Variants in LIPA observed in about 807,000 individuals in gnomAD.
The protein encoded by LIPA is lysosomal acid lipase/cholesteryl ester hydrolase.
Under a neutral mutation model 40.6 loss-of-function variants are expected in LIPA, and 26 were observed. That is an observed-to-expected ratio of 0.64 (90% CI 0.47 to 0.89). The LOEUF (loss-of-function observed/expected upper bound fraction) is 0.89, where lower values mean the gene tolerates loss of function less well. Among genes scored for constraint, LIPA ranks in the 40% least tolerant of loss-of-function variants. The pLI, the probability that LIPA is intolerant of heterozygous loss-of-function variation, is 0.00. For synonymous variants in LIPA, 188 were observed against 168.4 expected (o/e 1.12, Z -0.90); for missense variants, 455 against 479.6 (o/e 0.95, Z 0.48).
intron 9 of LIPA, among the ~76,000 whole-genome samples, chr10:89,215,351 T>C (rs1842611585): frequency 6.6e-6 from 1 of 152,182 alleles, no homozygotes; most frequent in South Asian, 2.1e-4. Context: ...TTGTACTCCA[T>C]AGGTAGTACA....
chr10:89,284,625 G>A (rs1843332228), intron 1 of LIPA: 1 of 152,046 alleles, frequency 6.6e-6, no homozygotes, highest in Admixed American at 6.6e-5. Flanking sequence ...ATGCCAGCAA[G>A]TATAAGCGAA....
At chr10:89,368,830 A>G (rs1589623889) in intron 2 of LIPA, among the ~76,000 whole-genome samples, 1 of 152,132 alleles carries the variant, frequency 6.6e-6, no homozygotes, top group African/African-American at 2.4e-5. Context: ...CAAAGTAGAC[A>G]GAGAAAGACA....
chr10:89,345,556 AAAT>A (rs1843913668), upstream of LIPA, among the ~76,000 whole-genome samples: 1 of 151,668 alleles, frequency 6.6e-6, no homozygotes, highest in Non-Finnish European at 1.5e-5. Context: ...ATAAATAAAT[AAAT>A]AAATAAATAA....
intron 1 of LIPA, among the ~76,000 whole-genome samples, chr10:89,266,155 G>A (rs1024111335): frequency 6.6e-6 from 1 of 152,234 alleles, no homozygotes; most frequent in Non-Finnish European, 1.5e-5. Context: ...GAGACTGAAA[G>A]CCTGCTGTTG....
At chr10:89,240,280 A>G (rs1842950548) in intron 3 of LIPA, among the ~76,000 whole-genome samples, 3 of 152,198 alleles carry the variant, frequency 2.0e-5, no homozygotes, top group Admixed American at 1.3e-4. Context: ...GACCACCATC[A>G]AATCCATGTT....
chr10:89,306,770 AAG>A, intron 1 of LIPA: 1 of 1,614,154 alleles, frequency 6.2e-7, no homozygotes, highest in Non-Finnish European at 8.5e-7. Flanking sequence ...ACTGCTTAAA[AAG>A]GCTTTAGAAT....
At chr10:89,402,401 G>A in intron 2 of LIPA, 1 of 1,614,130 alleles carries the variant, frequency 6.2e-7, no homozygotes. Context: ...TCTTGGATCA[G>A]ATTGAATTCC....
At position 89,393,103 on chromosome 10, in the gene LIPA, G is replaced by T. The variant is rs752482618; in HGVS notation, c.61+19688C>A. On this transcript the variant is annotated intron_variant, in intron 2 of 8. Transcript: ENST00000371837. ...TGTCTGAGTAGAGGCATTGCTTTCT[G>T]CAGGTTCTTTACCACAGAGAAAAAG... 100 of 1,293,226 alleles carry T rather than the reference G, an allele frequency of 7.7e-5. 1 individual carries two copies. The highest frequency in any genetic ancestry group is 9.2e-5 in the Non-Finnish European group (91 of 991,978). 80.1% of individuals were successfully genotyped at this position (1,293,226 alleles called of 1,614,324 possible). A position where few individuals can be genotyped will look rare whatever the true frequency, so the allele number is the denominator to read the frequency against.
At chr10:89,395,564 C>T (rs946945897) in intron 2 of LIPA, among the ~76,000 whole-genome samples, 1 of 152,138 alleles carries the variant, frequency 6.6e-6, no homozygotes, top group African/African-American at 2.4e-5. Flanking sequence ...GAGAGAGTGG[C>T]TGTCTCAGTA....
At chr10:89,355,311 C>T (rs1843983323) in intron 2 of LIPA, among the ~76,000 whole-genome samples, 1 of 152,172 alleles carries the variant, frequency 6.6e-6, no homozygotes, top group Non-Finnish European at 1.5e-5. Context: ...AAAGTTAGCT[C>T]AACCCAATAG....
At chr10:89,331,588 A>G (rs1238602189) in intron 1 of LIPA, among the ~76,000 whole-genome samples, 1 of 152,188 alleles carries the variant, frequency 6.6e-6, no homozygotes. Flanking sequence ...GGCTGGCCGC[A>G]GTGGCTCACA....
chr10:89,393,260 T>A (rs975718496), intron 2 of LIPA: 10 of 1,289,682 alleles, frequency 7.8e-6, no homozygotes, highest in Non-Finnish European at 9.1e-6. Context: ...TCTGCACTGC[T>A]GGCCTCTTAC....
intron 8 of LIPA, among the ~76,000 whole-genome samples, chr10:89,217,710 A>G (rs1213407211): frequency 6.6e-6 from 1 of 152,200 alleles, no homozygotes; most frequent in African/African-American, 2.4e-5. Context: ...CTAAAGCCCA[A>G]TTTTAATAAG....
chr10:89,228,160 C>A, intron 4 of LIPA, 40 bp downstream of exon 4: 1 of 1,555,792 alleles, frequency 6.4e-7, no homozygotes, highest in Non-Finnish European at 8.9e-7. Context: ...TTTAAGAGTA[C>A]TAAGGAAATA....
intron 1 of LIPA, among the ~76,000 whole-genome samples, chr10:89,304,852 C>T (rs1843468335): frequency 6.6e-6 from 1 of 151,528 alleles, no homozygotes. Flanking sequence ...GAAAATCTTT[C>T]CAGGAGAGTC....
At chr10:89,239,279 A>G (rs1029074) in intron 3 of LIPA, among the ~76,000 whole-genome samples, 45,949 of 152,130 alleles carry the variant, frequency 0.3, 8,583 homozygotes, top group African/African-American at 0.53. Flanking sequence ...AGTGGGCAGA[A>G]ACAGTCACGG....
chr10:89,363,766 G>T (rs1844038224), intron 2 of LIPA, among the ~76,000 whole-genome samples: 2 of 87,844 alleles, frequency 2.3e-5, no homozygotes, highest in Admixed American at 3.4e-4. Flanking sequence ...AACAGAGCCA[G>T]ACTCCATCAA....
chr10:89,346,068 G>A (rs1286995321), upstream of LIPA, among the ~76,000 whole-genome samples: 1 of 152,154 alleles, frequency 6.6e-6, no homozygotes, highest in Non-Finnish European at 1.5e-5. Flanking sequence ...TGAAGGAATT[G>A]GTATTAGGTT....
At chr10:89,394,255 T>C (rs774506072) in intron 2 of LIPA, among the ~76,000 whole-genome samples, 1 of 152,120 alleles carries the variant, frequency 6.6e-6, no homozygotes, top group Non-Finnish European at 1.5e-5. Context: ...TACAGCAAAA[T>C]TGTGGCATTA....
Sources: allele counts gnomAD v4.1 joint callset (sites outside exome capture counted in the v4.1 genomes callset), GRCh38; gene constraint gnomAD v4.1.1; transcripts MANE v1.5; gene names NCBI Gene and HGNC (gene_info 2026-07-23, HGNC 2026-07-21).